The following DERA variants were observed in gnomAD, a reference collection of about 807,000 sequenced individuals.
The protein encoded by DERA is deoxyribose-phosphate aldolase.
Under a neutral mutation model 41.1 loss-of-function variants are expected in DERA, and 15 were observed. That is an observed-to-expected ratio of 0.37 (90% confidence interval 0.24 to 0.56). DERA has a LOEUF of 0.56. Ranked by LOEUF, DERA falls within the 20% of genes least tolerant of loss-of-function variation. The probability of loss-of-function intolerance (pLI) is 0.81; values close to 1 mark genes in which losing one functional copy is unlikely to be tolerated. For missense variants in DERA, 396 were observed against 403.4 expected (o/e 0.98, Z 0.16); for synonymous variants, 139 against 137.4 (o/e 1.01, Z -0.08).
rs1042656134 is a variant in DERA at position 15,965,252 on chromosome 12, G to A, written c.508+2305G>A. Among the ~76,000 whole-genome samples, 6 of 152,190 alleles carry A rather than the reference G, an allele frequency of 3.9e-5. No individual in the cohort carries two copies. Among genetic ancestry groups the A allele is most frequent in the African/African-American group, 7.2e-5 (3 of 41,440 alleles). On this transcript the variant is annotated intron_variant, in intron 5 of 8. Transcript: ENST00000428559. The surrounding 1 kb of genome is among the most constrained non-coding windows in gnomAD (Gnocchi z 4.1). ...TCCAGGGCCCTCTCCCTTGTGCAGT[G>A]AGGTTTGTAGGATATTTGGTAAAGC...
In DERA at chr12:15,998,498, G is replaced by A. The variant is rs537044021; in HGVS notation, c.637+16062G>A. On this transcript the variant is annotated intron_variant, in intron 6 of 8. Transcript: ENST00000428559. The surrounding 1 kb of genome is among the most constrained non-coding windows in gnomAD (Gnocchi z 4.8). ...ATGCCCGGCTAATTTTCTATTTTTA[G>A]TAGAGATGGGGTTTCTTCATATTGG... Among the ~76,000 whole-genome samples, 4 of 152,100 alleles carry A rather than the reference G, an allele frequency of 2.6e-5. No individual in the cohort carries two copies. The highest frequency in any genetic ancestry group is 9.6e-5 in the African/African-American group (4 of 41,488).
In DERA at chr12:15,970,875, T is replaced by C. The variant is rs967711901; in HGVS notation, c.508+7928T>C. Among the ~76,000 whole-genome samples the C allele has an allele frequency of 1.3e-5, 2 of 152,234 alleles. No individual in the cohort carries two copies. The highest frequency in any genetic ancestry group is 4.8e-5 in the African/African-American group (2 of 41,462). ...AAACCTAATGTCTAGTTTTAGCTTC[T>C]GGGGATTACATTCTTCAGGTAAGAA... On this transcript the variant is annotated intron_variant, in intron 5 of 8. Coordinates refer to ENST00000428559, the MANE Select transcript of DERA (RefSeq NM_015954.4). This position sits in a 1 kb window ranked among gnomAD's most constrained non-coding sequence, Gnocchi z 4.3.
rs543179792 is a variant in DERA, at chr12:16,019,443, C to G, written c.638-13099C>G. 6.6e-6 allele frequency among the ~76,000 whole-genome samples: 1 copy of G among 152,262 alleles called. No homozygotes were observed. Among genetic ancestry groups the G allele is most frequent in the South Asian group, 2.1e-4 (1 of 4,822 alleles). Reference sequence around the variant, plus strand: ...CTCACATTACCTAAAGAACAGAGCCCAATGTCTGTGGGTTCAAAGCTCTCT... The same window carrying G: ...CTCACATTACCTAAAGAACAGAGCCGAATGTCTGTGGGTTCAAAGCTCTCT... On this transcript the variant is annotated intron_variant, in intron 6 of 8. Coordinates refer to ENST00000428559, the MANE Select transcript of DERA (RefSeq NM_015954.4). This position sits in a 1 kb window ranked among gnomAD's most constrained non-coding sequence, Gnocchi z 4.4.
At chr12:15,979,703 T>C (rs1948720713) in intron 5 of DERA, among the ~76,000 whole-genome samples, 1 of 152,160 alleles carries the variant, frequency 6.6e-6, no homozygotes, top group African/African-American at 2.4e-5. Flanking sequence ...GAGAAGACAT[T>C]GGTTGCATAT....
At chr12:15,930,058 T>G (rs1262511694) in intron 1 of DERA, among the ~76,000 whole-genome samples, 1 of 152,192 alleles carries the variant, frequency 6.6e-6, no homozygotes, top group African/African-American at 2.4e-5. Context: ...CTGTGAAGAT[T>G]AAATGAGGTA....
intron 6 of DERA, among the ~76,000 whole-genome samples, chr12:16,030,045 C>T (rs1165270529): frequency 1.3e-5 from 2 of 150,716 alleles, no homozygotes; most frequent in African/African-American, 4.9e-5. Flanking sequence ...GCCTCAGCCT[C>T]CCGAGTAGCT....
In DERA at chr12:16,019,852, C is replaced by G. The variant is rs191062576; in HGVS notation, c.638-12690C>G. On this transcript the variant is annotated intron_variant, in intron 6 of 8. Transcript: ENST00000428559. The surrounding 1 kb of genome is among the most constrained non-coding windows in gnomAD (Gnocchi z 4.4). ...CCAACTCACATGTTGAAATGTGATT[C>G]CCAGTGTTAGAGATGGGGCCTGGTG... 2.6e-4 allele frequency among the ~76,000 whole-genome samples: 40 copies of G among 152,210 alleles called. No individual in the cohort carries two copies. In the East Asian group the frequency reaches 7.5e-3, roughly 29 times the overall value.
intron 1 of DERA, chr12:15,916,067 A>G (rs1948196600): frequency 6.6e-6 from 1 of 152,220 alleles, no homozygotes. Flanking sequence ...TCTGTTTAAA[A>G]CATAAAGGTT....
At chr12:16,025,116 A>G (rs1949044484) in intron 6 of DERA, among the ~76,000 whole-genome samples, 1 of 152,160 alleles carries the variant, frequency 6.6e-6, no homozygotes, top group African/African-American at 2.4e-5. Flanking sequence ...AAAATGCTCA[A>G]TTAAGCCAGG....
rs754699715 is a variant in DERA, at chr12:15,911,360, G to T, written c.-24G>T. Reference sequence around the variant, plus strand: ...GCGCAGAGGCGGGCGCCTACCAGCCGGCAGCTCCGGAGCTGCCCGCGCCAT... The same window carrying T: ...GCGCAGAGGCGGGCGCCTACCAGCCTGCAGCTCCGGAGCTGCCCGCGCCAT... On this transcript the variant is annotated 5_prime_UTR_variant, in exon 1 of 9. Coordinates refer to ENST00000428559, the MANE Select transcript of DERA (RefSeq NM_015954.4). The surrounding 1 kb of genome is among the most constrained non-coding windows in gnomAD (Gnocchi z 4.5). 6.4e-5 allele frequency: 91 copies of T among 1,422,452 alleles called. 1 individual carries two copies. The African/African-American group carries it at 1.3e-3, about 20-fold the overall frequency. The allele number at this position is 1,422,452 out of a possible 1,614,324, so 88.1% of individuals were successfully genotyped here. A position where few individuals can be genotyped will look rare whatever the true frequency, so the allele number is the denominator to read the frequency against.
Position 16,013,670 on chromosome 12 carries a change from T to C in DERA, c.638-18872T>C, listed in dbSNP as rs1021616499. Among the ~76,000 whole-genome samples, 42 of 152,204 alleles carry C rather than the reference T, an allele frequency of 2.8e-4. No homozygotes were observed. Among genetic ancestry groups the C allele is most frequent in the Admixed American group, 2.7e-3 (41 of 15,280 alleles). On this transcript the variant is annotated intron_variant, in intron 6 of 8. Coordinates refer to ENST00000428559, the MANE Select transcript of DERA (RefSeq NM_015954.4). The surrounding 1 kb of genome is among the most constrained non-coding windows in gnomAD (Gnocchi z 5.8). Reference sequence around the variant, plus strand: ...GTACCGAGGTAGTGGGACACTGCTATAAGGATACCCGAAAATGCGGAAGCA... The same window carrying C: ...GTACCGAGGTAGTGGGACACTGCTACAAGGATACCCGAAAATGCGGAAGCA...
rs1008190984 is a variant in DERA, at chr12:16,013,033, G to A, written c.638-19509G>A. On this transcript the variant is annotated intron_variant, in intron 6 of 8. Coordinates refer to ENST00000428559, the MANE Select transcript of DERA (RefSeq NM_015954.4). This position sits in a 1 kb window ranked among gnomAD's most constrained non-coding sequence, Gnocchi z 5.8. ...TGTAACTATCATATTGGACTATGACGTGCAGCCCTAGACAAATCAGTAGAG... is the reference window on the plus strand; with the variant it reads ...TGTAACTATCATATTGGACTATGACATGCAGCCCTAGACAAATCAGTAGAG... 4.6e-5 allele frequency among the ~76,000 whole-genome samples: 7 copies of A among 152,046 alleles called. No individual in the cohort carries two copies. Among genetic ancestry groups the A allele is most frequent in the African/African-American group, 1.7e-4 (7 of 41,390 alleles).
chr12:15,959,679 TA>T lies in DERA; in HGVS notation c.278-145del. On this transcript the variant is annotated intron_variant, in intron 3 of 8. Coordinates refer to ENST00000428559, the MANE Select transcript of DERA (RefSeq NM_015954.4). The surrounding 1 kb of genome is among the most constrained non-coding windows in gnomAD (Gnocchi z 4.5). ...AAGAACTAGAAGGGAATGTGGAAAATAAAAATCTTTTAATTTATTGCAGTAT... is the reference window on the plus strand; with the variant it reads ...AAGAACTAGAAGGGAATGTGGAAAATAAAATCTTTTAATTTATTGCAGTAT... The T allele has an allele frequency of 1.9e-6, 1 of 519,794 alleles. No individual in the cohort carries two copies. Among genetic ancestry groups the T allele is most frequent in the Non-Finnish European group, 3.5e-6 (1 of 288,658 alleles). The allele number at this position is 519,794 out of a possible 1,614,324, so 32.2% of individuals were successfully genotyped here.
intron 5 of DERA, among the ~76,000 whole-genome samples, chr12:15,979,535 T>C (rs1264233264): frequency 6.6e-6 from 1 of 152,252 alleles, no homozygotes; most frequent in African/African-American, 2.4e-5. Flanking sequence ...TTTGATTTAA[T>C]TGTTCTGATA....
In DERA at chr12:16,012,230, G is replaced by T. The variant is rs1948951272; in HGVS notation, c.638-20312G>T. Among the ~76,000 whole-genome samples, 1 of 152,204 alleles carries T rather than the reference G, an allele frequency of 6.6e-6. No individual in the cohort carries two copies. Among genetic ancestry groups the T allele is most frequent in the Admixed American group, 6.5e-5 (1 of 15,276 alleles). On this transcript the variant is annotated intron_variant, in intron 6 of 8. Transcript: ENST00000428559. This position sits in a 1 kb window ranked among gnomAD's most constrained non-coding sequence, Gnocchi z 4.1. The stretch of plus-strand genomic sequence containing the variant: ...TGTGATACAAGTCCTACACAGTCAT[G>T]AGTTTATAAGTGTAGTTTTAGAGTT...
chr12:15,959,987 G>T lies in DERA; in HGVS notation c.373+63G>T. On this transcript the variant is annotated intron_variant, in intron 4 of 8. Transcript: ENST00000428559. The surrounding 1 kb of genome is among the most constrained non-coding windows in gnomAD (Gnocchi z 4.5). The stretch of plus-strand genomic sequence containing the variant: ...CATGTTTCCAGTTCTTCATACAATG[G>T]GGTATTATATGTAGGTTTGTACTAT... 8.3e-7 allele frequency: 1 copy of T among 1,202,378 alleles called. No individual in the cohort carries two copies. The highest frequency in any genetic ancestry group is 1.4e-5 in the South Asian group (1 of 72,236). 74.5% of individuals were successfully genotyped at this position (1,202,378 alleles called of 1,614,324 possible).
chr12:16,006,613 T>C (rs900399093), intron 6 of DERA, among the ~76,000 whole-genome samples: 3 of 152,240 alleles, frequency 2.0e-5, no homozygotes, highest in Admixed American at 1.3e-4. Flanking sequence ...TCACCGCTCC[T>C]GATCCCACCT....
Position 16,008,844 on chromosome 12 carries a change from C to T in DERA, c.638-23698C>T, listed in dbSNP as rs971269086. ...TTTCGTATTGAAGGAAATAGTTTAA[C>T]AGGGCTAGGTAGGATTTTGACTGGG... On this transcript the variant is annotated intron_variant, in intron 6 of 8. Transcript: ENST00000428559. This position sits in a 1 kb window ranked among gnomAD's most constrained non-coding sequence, Gnocchi z 4.8. Among the ~76,000 whole-genome samples, 1 of 152,108 alleles carries T rather than the reference C, an allele frequency of 6.6e-6. No individual in the cohort carries two copies. Among genetic ancestry groups the T allele is most frequent in the Non-Finnish European group, 1.5e-5 (1 of 68,014 alleles).
rs969595611 is a variant in DERA at position 16,036,153 on chromosome 12, ACT to A, written c.751-76_751-75del. On this transcript the variant is annotated intron_variant, in intron 7 of 8. Coordinates refer to ENST00000428559, the MANE Select transcript of DERA (RefSeq NM_015954.4). This position sits in a 1 kb window ranked among gnomAD's most constrained non-coding sequence, Gnocchi z 4.9. Reference sequence around the variant, plus strand: ...CAAAAGAGGGAGAGAGAGAATCAAGACTCTGATAAACATAGTACTATTTTTAA... The same window carrying A: ...CAAAAGAGGGAGAGAGAGAATCAAGACTGATAAACATAGTACTATTTTTAA... 3.2e-6 allele frequency: 4 copies of A among 1,241,902 alleles called. No homozygotes were observed. The highest frequency in any genetic ancestry group is 3.1e-5 in the African/African-American group (2 of 63,772). The allele number at this position is 1,241,902 out of a possible 1,614,324, so 76.9% of individuals were successfully genotyped here. A position where few individuals can be genotyped will look rare whatever the true frequency, so the allele number is the denominator to read the frequency against.
Sources: gnomAD v4.1 joint callset for allele counts (sites outside exome capture counted in the v4.1 genomes callset) on GRCh38, gnomAD v4.1.1 for gene constraint, Gnocchi (gnomAD v3.1) non-coding constraint, MANE v1.5 for transcripts, NCBI Gene and HGNC (gene_info 2026-07-23, HGNC 2026-07-21) for gene names.